Variants in PRKCE observed in about 807,000 individuals in gnomAD.
PRKCE encodes the protein protein kinase C epsilon type.
A neutral mutation model predicts 85.4 loss-of-function variants in PRKCE; 16 were observed. The observed-to-expected ratio is 0.19, with a 90% CI of 0.13 to 0.28. The LOEUF is 0.28. PRKCE is among the 10% of genes least tolerant of loss of function. PRKCE has a pLI of 1.00. For synonymous variants in PRKCE, 388 were observed against 371.5 expected (o/e 1.04, Z -0.51); for missense variants, 573 against 975.2 (o/e 0.59, Z 5.49).
intron 11 of PRKCE, among the ~76,000 whole-genome samples, chr2:46,104,067 T>C (rs142186459): frequency 2.0e-5 from 3 of 152,346 alleles, no homozygotes; most frequent in African/African-American, 7.2e-5. Context: ...AAAAGGTCCA[T>C]GTTCTGAAAG....
intron 2 of PRKCE, among the ~76,000 whole-genome samples, chr2:45,847,955 G>C (rs974157247): frequency 6.6e-6 from 1 of 152,178 alleles, no homozygotes; most frequent in Non-Finnish European, 1.5e-5. Flanking sequence ...CTAAGTCTTG[G>C]TCTGAAACTA....
chr2:45,836,031 G>T (rs1187878743), intron 1 of PRKCE, among the ~76,000 whole-genome samples: 2 of 152,194 alleles, frequency 1.3e-5, no homozygotes, highest in Non-Finnish European at 2.9e-5. Flanking sequence ...GAACATTTCT[G>T]TATAGTAGAT....
chr2:45,979,453 T>G (rs1397907922), intron 4 of PRKCE, among the ~76,000 whole-genome samples: 1 of 152,180 alleles, frequency 6.6e-6, no homozygotes, highest in Non-Finnish European at 1.5e-5. Context: ...GTCTAATCCC[T>G]TTTTTTGGTC....
At chr2:46,170,457 T>C (rs73929406) in intron 14 of PRKCE, among the ~76,000 whole-genome samples, 1 of 152,224 alleles carries the variant, frequency 6.6e-6, no homozygotes, top group African/African-American at 2.4e-5. Context: ...CAATTAGCAA[T>C]GCACAGTAAT....
rs565503559 is a variant in PRKCE, at chr2:45,724,952, A to G, written c.348+72504A>G. Among the ~76,000 whole-genome samples, 3 of 152,384 alleles carry G rather than the reference A, an allele frequency of 2.0e-5. No individual in the cohort carries two copies. The East Asian group carries it at 5.8e-4, about 29-fold the overall frequency. ...AGCAGGTTACCCAGAAGATCTAGCTAAGACCGCTGATGAAGGTGGCTACAA... is the reference window on the plus strand; with the variant it reads ...AGCAGGTTACCCAGAAGATCTAGCTGAGACCGCTGATGAAGGTGGCTACAA... On this transcript the variant is annotated intron_variant, in intron 1 of 14. Transcript: ENST00000306156.
intron 2 of PRKCE, among the ~76,000 whole-genome samples, chr2:45,917,464 C>T (rs1343074670): frequency 6.6e-6 from 1 of 152,206 alleles, no homozygotes; most frequent in Non-Finnish European, 1.5e-5. Flanking sequence ...CATTCACAAA[C>T]CCTGAGCTAG....
At chr2:46,088,702 A>G (rs1669880669) in intron 11 of PRKCE, among the ~76,000 whole-genome samples, 1 of 152,220 alleles carries the variant, frequency 6.6e-6, no homozygotes, top group Non-Finnish European at 1.5e-5. Context: ...GTTGGATACA[A>G]TGCACGTACT....
chr2:46,167,820 T>G (rs984484054), intron 14 of PRKCE: 1 of 149,462 alleles, frequency 6.7e-6, no homozygotes, highest in Non-Finnish European at 1.5e-5. Context: ...TTCCCTGCCT[T>G]CATTCTCAGT....
At chr2:45,719,549 C>T (rs185913833) in intron 1 of PRKCE, among the ~76,000 whole-genome samples, 4 of 152,248 alleles carry the variant, frequency 2.6e-5, no homozygotes, top group Admixed American at 2.0e-4. Context: ...TACTGAGTGA[C>T]TGGATGGATA....
At chr2:45,880,523 T>C (rs571559431) in intron 2 of PRKCE, among the ~76,000 whole-genome samples, 7 of 152,300 alleles carry the variant, frequency 4.6e-5, no homozygotes, top group African/African-American at 1.7e-4. Flanking sequence ...TTTACACTTT[T>C]ATAACCCTAT....
At chr2:46,097,519 C>CAAAAAAAAAAAAAAAAAAA (rs66634467) in intron 11 of PRKCE, among the ~76,000 whole-genome samples, 5 of 94,120 alleles carry the variant, frequency 5.3e-5, no homozygotes, top group Non-Finnish European at 1.1e-4. Context: ...GACTCCGTCT[C>CAAAAAAAAAAAAAAAAAAA]AAAAAAAAAA....
At chr2:45,737,181 C>T (rs911716738) in intron 1 of PRKCE, among the ~76,000 whole-genome samples, 2 of 152,190 alleles carry the variant, frequency 1.3e-5, no homozygotes, top group Non-Finnish European at 2.9e-5. Flanking sequence ...AATGTTTCTC[C>T]CACGCAGCTG....
chr2:46,168,668 C>G lies in PRKCE; in HGVS notation c.2067+8916C>G, dbSNP rs79855889. Among the ~76,000 whole-genome samples, 205 of 152,324 alleles carry G rather than the reference C, an allele frequency of 1.3e-3. 1 individual carries two copies. Among genetic ancestry groups the G allele is most frequent in the African/African-American group, 4.8e-3 (200 of 41,574 alleles). On this transcript the variant is annotated intron_variant, in intron 14 of 14. Transcript: ENST00000306156. ...GCAGAAGACTTGATAATGCAAAATA[C>G]TTAAGGGATAACAGGCAGTAGGGTA...
At chr2:45,805,573 G>A (rs978278738) in intron 1 of PRKCE, among the ~76,000 whole-genome samples, 2 of 151,166 alleles carry the variant, frequency 1.3e-5, no homozygotes, top group African/African-American at 4.9e-5. Context: ...CTTATGCTAA[G>A]TATTTGCATA....
At chr2:45,885,573 T>C (rs935886791) in intron 2 of PRKCE, among the ~76,000 whole-genome samples, 4 of 152,254 alleles carry the variant, frequency 2.6e-5, no homozygotes, top group Non-Finnish European at 4.4e-5. Context: ...TGAATTAATA[T>C]ATCTGTCTGA....
intron 1 of PRKCE, among the ~76,000 whole-genome samples, chr2:45,669,965 T>C (rs1432443078): frequency 6.6e-6 from 1 of 152,148 alleles, no homozygotes; most frequent in Non-Finnish European, 1.5e-5. Context: ...GAGCTGAGAT[T>C]GCACCACTGC....
chr2:46,136,265 T>C (rs764290305), intron 11 of PRKCE, among the ~76,000 whole-genome samples: 8 of 152,198 alleles, frequency 5.3e-5, no homozygotes, highest in Non-Finnish European at 1.0e-4. Context: ...TCTTCTGTGG[T>C]GAATTTTCAA....
At chr2:45,998,403 A>G (rs1704388916) in intron 6 of PRKCE, among the ~76,000 whole-genome samples, 1 of 152,172 alleles carries the variant, frequency 6.6e-6, no homozygotes, top group Non-Finnish European at 1.5e-5. Flanking sequence ...TTTTTTGAGA[A>G]TTGACCTTTT....
At chr2:46,043,339 T>C (rs1708326358) in intron 10 of PRKCE, among the ~76,000 whole-genome samples, 1 of 152,228 alleles carries the variant, frequency 6.6e-6, no homozygotes, top group African/African-American at 2.4e-5. Context: ...CTTACAGTCA[T>C]GCTTATATGG....
Sources: allele counts gnomAD v4.1 joint callset (sites outside exome capture counted in the v4.1 genomes callset), GRCh38; gene constraint gnomAD v4.1.1; transcripts MANE v1.5; gene names NCBI Gene and HGNC (gene_info 2026-07-23, HGNC 2026-07-21).